EPHA7: variants seen among roughly 807,000 people sequenced by gnomAD.
EPHA7 encodes ephrin type-A receptor 7.
Under a neutral mutation model 112.6 loss-of-function variants are expected in EPHA7, and 25 were observed. That is an observed-to-expected ratio of 0.22 (90% CI 0.16 to 0.31). EPHA7 has a LOEUF of 0.31. EPHA7 is among the 10% of genes least tolerant of loss of function. The probability of loss-of-function intolerance (pLI) is 1.00; values close to 1 mark genes in which losing one functional copy is unlikely to be tolerated. For missense variants in EPHA7, 962 were observed against 1,212.6 expected (o/e 0.79, Z 3.07); for synonymous variants, 437 against 406.5 (o/e 1.07, Z -0.90).
intron 14 of EPHA7, among the ~76,000 whole-genome samples, chr6:93,247,239 A>G (rs1769995248): frequency 6.6e-6 from 1 of 152,304 alleles, no homozygotes; most frequent in South Asian, 2.1e-4. Context: ...GGTACAATAG[A>G]TGGAAATAGT....
intron 5 of EPHA7, among the ~76,000 whole-genome samples, chr6:93,314,497 T>A (rs981273491): frequency 6.6e-6 from 1 of 152,126 alleles, no homozygotes; most frequent in African/African-American, 2.4e-5. Context: ...TGCCTCACAA[T>A]CCTTAAGTGA....
chr6:93,310,533 C>T (rs530514869), intron 5 of EPHA7, among the ~76,000 whole-genome samples: 5 of 151,938 alleles, frequency 3.3e-5, no homozygotes, highest in East Asian at 3.9e-4. Flanking sequence ...GGCGTGGTGG[C>T]GGGCGCCTGT....
chr6:93,398,434 T>A (rs1778283244), intron 3 of EPHA7, among the ~76,000 whole-genome samples: 1 of 152,036 alleles, frequency 6.6e-6, no homozygotes, highest in South Asian at 2.1e-4. Context: ...AAGGCCAGAA[T>A]TCAAATTATG....
chr6:93,262,574 T>A (rs1386752783), intron 9 of EPHA7, among the ~76,000 whole-genome samples: 1 of 151,418 alleles, frequency 6.6e-6, no homozygotes, highest in Non-Finnish European at 1.5e-5. Flanking sequence ...AACTTTATAA[T>A]AAAGCCACTT....
Position 93,245,286 on chromosome 6 carries a change from G to T in EPHA7, c.2882+12C>A. ...TAAATCCTTAAATACAATTTTAAGA[G>T]TTTAAGCTTACTCAATAGTCATCCT... On this transcript the variant is annotated intron_variant, in intron 16 of 16. Transcript: ENST00000369303. 1 of 1,610,212 alleles carries T rather than the reference G, an allele frequency of 6.2e-7. No individual in the cohort carries two copies.
chr6:93,334,699 T>A (rs968243411), intron 5 of EPHA7, among the ~76,000 whole-genome samples: 1 of 152,070 alleles, frequency 6.6e-6, no homozygotes, highest in Non-Finnish European at 1.5e-5. Context: ...CATAGAAAAC[T>A]GTATCCCTGT....
At chr6:93,342,763 T>C (rs1230175281) in intron 5 of EPHA7, among the ~76,000 whole-genome samples, 2 of 150,162 alleles carry the variant, frequency 1.3e-5, no homozygotes, top group Admixed American at 6.6e-5. Flanking sequence ...TTATCGTATA[T>C]ATGTTTATTA....
chr6:93,349,495 A>T (rs564391974), intron 5 of EPHA7, among the ~76,000 whole-genome samples: 1 of 152,016 alleles, frequency 6.6e-6, no homozygotes, highest in East Asian at 1.9e-4. Flanking sequence ...TCTGCTGCAG[A>T]CGGCATAGGT....
At chr6:93,301,966 T>C (rs544289758) in intron 5 of EPHA7, among the ~76,000 whole-genome samples, 43 of 149,324 alleles carry the variant, frequency 2.9e-4, no homozygotes, top group African/African-American at 1.0e-3. Context: ...TATCCTTTCT[T>C]GTTCTAACAT....
At chr6:93,326,144 T>C (rs1774308363) in intron 5 of EPHA7, among the ~76,000 whole-genome samples, 1 of 151,406 alleles carries the variant, frequency 6.6e-6, no homozygotes, top group Admixed American at 6.6e-5. Context: ...AATTATGCCG[T>C]GGTAATAGTG....
At chr6:93,404,362 A>C (rs559707153) in intron 3 of EPHA7, among the ~76,000 whole-genome samples, 9 of 152,064 alleles carry the variant, frequency 5.9e-5, no homozygotes, top group African/African-American at 1.9e-4. Flanking sequence ...TTCTGAAAAA[A>C]GTTTATGTTC....
chr6:93,290,817 T>C (rs1772321273), intron 5 of EPHA7, among the ~76,000 whole-genome samples: 1 of 152,146 alleles, frequency 6.6e-6, no homozygotes. Context: ...TGTCCTAGCA[T>C]TTTAAGATTT....
At chr6:93,283,083 G>C (rs1771850982) in intron 5 of EPHA7, among the ~76,000 whole-genome samples, 1 of 152,214 alleles carries the variant, frequency 6.6e-6, no homozygotes, top group African/African-American at 2.4e-5. Flanking sequence ...GTCTAGTGGG[G>C]ACTTGGAGAA....
chr6:93,279,413 T>G (rs2127894253), intron 5 of EPHA7, among the ~76,000 whole-genome samples: 1 of 152,240 alleles, frequency 6.6e-6, no homozygotes, highest in African/African-American at 2.4e-5. Context: ...CTCTTTTTCT[T>G]ACTAATTATG....
At chr6:93,243,628 T>C (rs1769778852) in intron 16 of EPHA7, 88 bp from the exon 17 acceptor site, 1 of 860,036 alleles carries the variant, frequency 1.2e-6, no homozygotes, top group African/African-American at 1.7e-5. Context: ...ATTAAATACG[T>C]TATCTTAGCC....
chr6:93,363,432 G>A (rs1343948467), intron 3 of EPHA7, among the ~76,000 whole-genome samples: 2 of 152,112 alleles, frequency 1.3e-5, no homozygotes, highest in Admixed American at 1.3e-4. Flanking sequence ...TTACAAATGA[G>A]TAATAAACAC....
chr6:93,397,420 C>T (rs949562049), intron 3 of EPHA7, among the ~76,000 whole-genome samples: 19 of 151,946 alleles, frequency 1.3e-4, no homozygotes, highest in Admixed American at 3.3e-4. Flanking sequence ...TTCTTTAAAT[C>T]AAATAAATCA....
chr6:93,305,424 C>T (rs540010789), intron 5 of EPHA7, among the ~76,000 whole-genome samples: 127 of 151,828 alleles, frequency 8.4e-4, no homozygotes, highest in Middle Eastern at 3.4e-3. Flanking sequence ...GGTTATAAAT[C>T]ATTTTTTAAA....
chr6:93,313,528 A>G (rs1773645095), intron 5 of EPHA7, among the ~76,000 whole-genome samples: 1 of 152,090 alleles, frequency 6.6e-6, no homozygotes. Context: ...TCATTCATAT[A>G]GCAAAATATC....
Sources: gnomAD v4.1 joint callset for allele counts (sites outside exome capture counted in the v4.1 genomes callset) on GRCh38, gnomAD v4.1.1 for gene constraint, MANE v1.5 for transcripts, NCBI Gene and HGNC (gene_info 2026-07-23, HGNC 2026-07-21) for gene names.